The following CDH2 variants were observed in gnomAD, a reference collection of about 807,000 sequenced individuals.
CDH2 encodes the protein cadherin-2.
CDH2 carries 17 observed loss-of-function variants against 92.0 expected under a neutral mutation model. That is an observed-to-expected ratio of 0.18 (90% confidence interval 0.13 to 0.28). The LOEUF (loss-of-function observed/expected upper bound fraction) is 0.28, where lower values mean the gene tolerates loss of function less well. Among genes scored for constraint, CDH2 ranks in the 10% least tolerant of loss-of-function variants. The pLI, the probability that CDH2 is intolerant of heterozygous loss-of-function variation, is 1.00. For missense variants in CDH2, 862 were observed against 1,133.1 expected, an observed-to-expected ratio of 0.76 and a Z score of 3.44; for synonymous variants, 419 against 415.9, an observed-to-expected ratio of 1.01 and a Z score of -0.09.
At chr18:28,167,030 A>C (rs543058570) in intron 1 of CDH2, among the ~76,000 whole-genome samples, 1 of 152,234 alleles carries the variant, frequency 6.6e-6, no homozygotes, top group African/African-American at 2.4e-5. Flanking sequence ...CCTTTCCAAA[A>C]TTAAAAACAA....
chr18:27,948,724 T>A (rs1231566620), downstream of CDH2, among the ~76,000 whole-genome samples: 1 of 151,924 alleles, frequency 6.6e-6, no homozygotes, highest in East Asian at 1.9e-4. Flanking sequence ...TAACATGAGG[T>A]ATCTTTTGTT....
At chr18:28,054,399 A>G (rs976637479) in intron 2 of CDH2, among the ~76,000 whole-genome samples, 8 of 152,202 alleles carry the variant, frequency 5.3e-5, no homozygotes, top group African/African-American at 1.9e-4. Context: ...AATGACATGC[A>G]TTTTTGTTTG....
intron 1 of CDH2, among the ~76,000 whole-genome samples, chr18:28,174,394 T>G (rs1246924698): frequency 6.6e-6 from 1 of 152,202 alleles, no homozygotes; most frequent in African/African-American, 2.4e-5. Context: ...ACAATCCACA[T>G]GGTGCACTTA....
chr18:27,982,484 A>G (rs1008125537), intron 14 of CDH2, among the ~76,000 whole-genome samples: 2 of 152,194 alleles, frequency 1.3e-5, no homozygotes, highest in Non-Finnish European at 2.9e-5. Context: ...AAGGATAGAT[A>G]TTTGTTAACT....
rs550100198 is a variant in CDH2, at chr18:28,070,989, A to G, written c.173-57080T>C. Among the ~76,000 whole-genome samples the G allele has an allele frequency of 2.6e-5, 4 of 152,220 alleles. No homozygotes were observed. The South Asian group carries it at 8.3e-4, about 32-fold the overall frequency. On this transcript the variant is annotated intron_variant, in intron 2 of 15. Coordinates refer to ENST00000269141, the MANE Select transcript of CDH2 (RefSeq NM_001792.5). Reference sequence around the variant, plus strand: ...GCATTGATATGATTTCATACCAATAATTTGGAGATAATGATTTGTGTCTCG... The same window carrying G: ...GCATTGATATGATTTCATACCAATAGTTTGGAGATAATGATTTGTGTCTCG...
At chr18:28,128,603 T>C (rs898157096) in intron 2 of CDH2, among the ~76,000 whole-genome samples, 1 of 151,954 alleles carries the variant, frequency 6.6e-6, no homozygotes, top group South Asian at 2.1e-4. Flanking sequence ...GAAGAGCTGA[T>C]TGAGCTCAGA....
intron 2 of CDH2, among the ~76,000 whole-genome samples, chr18:28,030,021 G>C (rs1362893742): frequency 6.6e-6 from 1 of 152,034 alleles, no homozygotes; most frequent in African/African-American, 2.4e-5. Context: ...TTCTCAATCT[G>C]TATGTATTAG....
At chr18:28,159,683 G>A (rs1385015968) in intron 1 of CDH2, among the ~76,000 whole-genome samples, 1 of 148,296 alleles carries the variant, frequency 6.7e-6, no homozygotes, top group Non-Finnish European at 1.5e-5. Context: ...TTGAAAGGGA[G>A]TCTCACTCTG....
At chr18:27,948,682 C>A (rs571221118), downstream of CDH2, among the ~76,000 whole-genome samples, 1 of 152,030 alleles carries the variant, frequency 6.6e-6, no homozygotes, top group African/African-American at 2.4e-5. Context: ...AATCTCCAAT[C>A]CCCTCATTAG....
At chr18:28,050,601 C>T (rs1443841576) in intron 2 of CDH2, among the ~76,000 whole-genome samples, 1 of 152,114 alleles carries the variant, frequency 6.6e-6, no homozygotes, top group African/African-American at 2.4e-5. Flanking sequence ...TAATACTTAC[C>T]ATATTTCAGA....
chr18:28,058,063 C>G (rs1054034682), intron 2 of CDH2, among the ~76,000 whole-genome samples: 3 of 152,156 alleles, frequency 2.0e-5, no homozygotes, highest in African/African-American at 7.2e-5. Context: ...TCTGATGGAC[C>G]ATTTACACAT....
Position 28,115,377 on chromosome 18 carries a change from TCCC to T in CDH2, c.172+32293_172+32295del, listed in dbSNP as rs1301902145. ...CTCCAAACTGGAAGATGCAGGAATATCCCAGTGTGAATCACTGTGCTGTCCTGG... is the reference window on the plus strand; with the variant it reads ...CTCCAAACTGGAAGATGCAGGAATATAGTGTGAATCACTGTGCTGTCCTGG... On this transcript the variant is annotated intron_variant, in intron 2 of 15. Transcript: ENST00000269141. Among the ~76,000 whole-genome samples the T allele has an allele frequency of 6.6e-5, 10 of 152,272 alleles. No individual in the cohort carries two copies. In the South Asian group the frequency reaches 2.1e-3, roughly 32 times the overall value.
At position 27,942,915 on chromosome 18, in the gene CDH2, C is replaced by A. The variant is rs201222917; in HGVS notation, c.1152-9791G>T. On this transcript the variant is annotated intron_variant, in intron 6 of 6. Coordinates refer to the CDH2 transcript ENST00000675173. ...CGCTAGGAATGTGTCAGTCTTGGTGCAAGCAGTCAAGGAACTTAGTGAGTA... is the reference window on the plus strand; with the variant it reads ...CGCTAGGAATGTGTCAGTCTTGGTGAAAGCAGTCAAGGAACTTAGTGAGTA... Among the ~76,000 whole-genome samples, 8 of 152,078 alleles carry A rather than the reference C, an allele frequency of 5.3e-5. No individual in the cohort carries two copies. In the East Asian group the frequency reaches 1.5e-3, roughly 29 times the overall value.
chr18:28,019,397 A>G (rs1442687355), intron 2 of CDH2, among the ~76,000 whole-genome samples: 1 of 152,024 alleles, frequency 6.6e-6, no homozygotes, highest in Non-Finnish European at 1.5e-5. Context: ...AGAAAAGAAA[A>G]AGAGAAACAA....
At chr18:27,966,375 T>G (rs1286973945) in intron 14 of CDH2, among the ~76,000 whole-genome samples, 2 of 152,198 alleles carry the variant, frequency 1.3e-5, no homozygotes, top group African/African-American at 2.4e-5. Context: ...TATAAGAATA[T>G]AGAGGAATTT....
In CDH2 at chr18:28,177,078, C is replaced by G; in HGVS notation, c.-56G>C. The G allele has an allele frequency of 7.7e-7, 1 of 1,300,552 alleles. No individual in the cohort carries two copies. The highest frequency in any genetic ancestry group is 1.0e-6 in the Non-Finnish European group (1 of 965,124). 80.6% of individuals were successfully genotyped at this position (1,300,552 alleles called of 1,614,324 possible). A position where few individuals can be genotyped will look rare whatever the true frequency, so the allele number is the denominator to read the frequency against. On this transcript the variant is annotated 5_prime_UTR_variant, in exon 1 of 16. Transcript: ENST00000269141. Reference sequence around the variant, plus strand: ...GAGGAGGCGGCGGCGGCGGCGGCGGCGGCGGAGGAGGAGGAGGCAGCGGCA... The same window carrying G: ...GAGGAGGCGGCGGCGGCGGCGGCGGGGGCGGAGGAGGAGGAGGCAGCGGCA...
intron 1 of CDH2, among the ~76,000 whole-genome samples, chr18:28,160,258 A>G (rs1318565743): frequency 6.6e-6 from 1 of 152,084 alleles, no homozygotes; most frequent in African/African-American, 2.4e-5. Flanking sequence ...CCAGTGGTGA[A>G]CAATTTGGGT....
At chr18:27,980,145 G>A (rs908836796) in intron 14 of CDH2, among the ~76,000 whole-genome samples, 5 of 152,120 alleles carry the variant, frequency 3.3e-5, no homozygotes, top group African/African-American at 1.2e-4. Context: ...TTTAAAAACC[G>A]TAAGGATAAA....
intron 6 of CDH2, among the ~76,000 whole-genome samples, chr18:28,005,512 C>A (rs543475097): frequency 6.6e-6 from 1 of 152,176 alleles, no homozygotes; most frequent in Non-Finnish European, 1.5e-5. Flanking sequence ...GAAAGCCTCT[C>A]GTCTTCTGGG....
Sources: allele counts gnomAD v4.1 joint callset (sites outside exome capture counted in the v4.1 genomes callset), GRCh38; gene constraint gnomAD v4.1.1; transcripts MANE v1.5; gene names NCBI Gene and HGNC (gene_info 2026-07-23, HGNC 2026-07-21).